The following WWOX variants were observed in gnomAD, a reference collection of about 807,000 sequenced individuals.
WWOX encodes WW domain-containing oxidoreductase.
WWOX carries 69 observed loss-of-function variants against 46.2 expected under a neutral mutation model. The ratio of observed to expected loss-of-function variants is 1.49; its 90% CI spans 1.23 to 1.82. The LOEUF is 1.82. WWOX is among the 40% of genes most tolerant of loss of function. The pLI is 0.00. For synonymous variants in WWOX, 359 were observed against 202.6 expected, an observed-to-expected ratio of 1.77 and a Z score of -6.56; for missense variants, 919 against 542.6, an observed-to-expected ratio of 1.69 and a Z score of -6.89.
intron 8 of WWOX, among the ~76,000 whole-genome samples, chr16:78,592,771 G>A (rs931483980): frequency 5.9e-5 from 9 of 152,126 alleles, no homozygotes; most frequent in Non-Finnish European, 4.4e-5. Context: ...GCCCTGGGCT[G>A]GGGTGGCCAC....
intron 6 of WWOX, among the ~76,000 whole-genome samples, chr16:78,413,507 C>T (rs776743039): frequency 2.6e-5 from 4 of 152,104 alleles, no homozygotes; most frequent in Admixed American, 1.3e-4. Context: ...TTACAAAGAA[C>T]CTTCTTAAAG....
At chr16:78,778,708 G>A (rs964411481) in intron 8 of WWOX, among the ~76,000 whole-genome samples, 1 of 152,144 alleles carries the variant, frequency 6.6e-6, no homozygotes, top group African/African-American at 2.4e-5. Context: ...TCAAGGGAAG[G>A]TTTGCAGATT....
chr16:79,075,396 G>C (rs1356711708), intron 8 of WWOX, among the ~76,000 whole-genome samples: 1 of 152,144 alleles, frequency 6.6e-6, no homozygotes, highest in Non-Finnish European at 1.5e-5. Flanking sequence ...GGACTTTTCA[G>C]TACTTCCTTT....
At chr16:78,672,906 C>G (rs1250811752) in intron 8 of WWOX, among the ~76,000 whole-genome samples, 4 of 152,222 alleles carry the variant, frequency 2.6e-5, no homozygotes. Context: ...CTGATAAATG[C>G]TGTGCCTTCC....
intron 8 of WWOX, among the ~76,000 whole-genome samples, chr16:78,767,147 G>A (rs2049942652): frequency 6.9e-6 from 1 of 145,882 alleles, no homozygotes; most frequent in Non-Finnish European, 1.5e-5. Flanking sequence ...TTTTGACAGG[G>A]TCTCACTCTG....
intron 8 of WWOX, among the ~76,000 whole-genome samples, chr16:78,951,906 C>T (rs2046067951): frequency 6.6e-6 from 1 of 152,148 alleles, no homozygotes; most frequent in Admixed American, 6.5e-5. Context: ...CAGTGGAATC[C>T]AGCAGGGGCC....
At chr16:78,898,071 TC>T (rs948619976) in intron 8 of WWOX, 4 of 152,136 alleles carry the variant, frequency 2.6e-5, no homozygotes, top group African/African-American at 9.6e-5. Flanking sequence ...TCTTTTTTTT[TC>T]ATATGTACTG....
intron 8 of WWOX, among the ~76,000 whole-genome samples, chr16:78,603,978 C>A (rs2045685137): frequency 1.3e-5 from 2 of 151,910 alleles, no homozygotes; most frequent in African/African-American, 4.8e-5. Flanking sequence ...CCTTCTACTA[C>A]AAGACATAGA....
chr16:78,971,448 C>CAAAAAA (rs71140852), intron 8 of WWOX, among the ~76,000 whole-genome samples: 5 of 111,920 alleles, frequency 4.5e-5, no homozygotes, highest in African/African-American at 1.7e-4. Context: ...GACTCTGTGT[C>CAAAAAA]AAAAAAAAAA....
At chr16:78,677,121 C>G (rs2047620072) in intron 8 of WWOX, among the ~76,000 whole-genome samples, 3 of 151,678 alleles carry the variant, frequency 2.0e-5, no homozygotes, top group Non-Finnish European at 4.4e-5. Context: ...TATATTGCAT[C>G]TACACATAAG....
intron 8 of WWOX, among the ~76,000 whole-genome samples, chr16:78,832,691 G>A (rs2051865029): frequency 6.6e-6 from 1 of 152,132 alleles, no homozygotes; most frequent in South Asian, 2.1e-4. Context: ...GCCCTCTCAG[G>A]AGGGATTGTG....
chr16:78,808,817 A>G (rs539345816), intron 8 of WWOX, among the ~76,000 whole-genome samples: 2 of 152,238 alleles, frequency 1.3e-5, no homozygotes, highest in South Asian at 4.2e-4. Flanking sequence ...CTAAACTGCT[A>G]TTTTATGTCC....
At chr16:78,253,958 C>A (rs1239276482) in intron 5 of WWOX, among the ~76,000 whole-genome samples, 1 of 152,124 alleles carries the variant, frequency 6.6e-6, no homozygotes, top group Non-Finnish European at 1.5e-5. Flanking sequence ...TGAGTGCAAC[C>A]GGGAAGCTCA....
intron 8 of WWOX, among the ~76,000 whole-genome samples, chr16:78,489,807 G>A (rs1415572391): frequency 6.6e-6 from 1 of 152,150 alleles, no homozygotes; most frequent in African/African-American, 2.4e-5. Context: ...CACAGTTCCG[G>A]CTGGAACACT....
chr16:78,679,206 A>T (rs925659237), intron 8 of WWOX, among the ~76,000 whole-genome samples: 2 of 152,146 alleles, frequency 1.3e-5, no homozygotes, highest in Non-Finnish European at 2.9e-5. Flanking sequence ...CAGGTGCCCG[A>T]GATCCTAGAA....
At chr16:78,549,922 G>GA (rs2044135515) in intron 8 of WWOX, among the ~76,000 whole-genome samples, 1 of 151,562 alleles carries the variant, frequency 6.6e-6, no homozygotes, top group African/African-American at 2.4e-5. Flanking sequence ...AGTTGACTGA[G>GA]AAAAAAGAAA....
chr16:79,115,004 A>G (rs973801460), intron 8 of WWOX, among the ~76,000 whole-genome samples: 2 of 152,218 alleles, frequency 1.3e-5, no homozygotes, highest in East Asian at 3.9e-4. Context: ...TAAGCACAGT[A>G]TCTGCTTTCC....
chr16:78,464,185 C>A (rs1416785961), intron 8 of WWOX, among the ~76,000 whole-genome samples: 1 of 151,874 alleles, frequency 6.6e-6, no homozygotes, highest in South Asian at 2.1e-4. Context: ...ACAAGGGACT[C>A]TGTGGGTTGT....
chr16:78,386,227 G>T (rs1227901453), intron 5 of WWOX, among the ~76,000 whole-genome samples: 13 of 152,114 alleles, frequency 8.5e-5, no homozygotes, highest in Non-Finnish European at 4.4e-5. Context: ...CCAGCCCGTG[G>T]CAGGCCCTAA....
Sources: gnomAD v4.1 joint callset for allele counts (sites outside exome capture counted in the v4.1 genomes callset) on GRCh38, gnomAD v4.1.1 for gene constraint, MANE v1.5 for transcripts, NCBI Gene and HGNC (gene_info 2026-07-23, HGNC 2026-07-21) for gene names.